Variants in DYM observed in about 807,000 individuals in gnomAD.
DYM encodes the protein dymeclin.
DYM carries 78 observed loss-of-function variants against 93.1 expected under a neutral mutation model. The observed-to-expected ratio is 0.84, with a 90% CI of 0.70 to 1.01. The LOEUF (loss-of-function observed/expected upper bound fraction) is 1.01, where lower values mean the gene tolerates loss of function less well. Ranked by LOEUF, DYM falls within the 50% of genes least tolerant of loss-of-function variation. The pLI is 0.00. For synonymous variants in DYM, 321 were observed against 319.7 expected (o/e 1.00, Z -0.04); for missense variants, 789 against 845.0 (o/e 0.93, Z 0.82).
At chr18:49,349,208 A>C (rs1181496249) in intron 6 of DYM, among the ~76,000 whole-genome samples, 1 of 152,110 alleles carries the variant, frequency 6.6e-6, no homozygotes, top group Admixed American at 6.5e-5. Flanking sequence ...ACTGTCTCAA[A>C]AAACAAACAA....
chr18:49,047,144 C>T (rs1401747167), intron 17 of DYM, among the ~76,000 whole-genome samples: 1 of 152,150 alleles, frequency 6.6e-6, no homozygotes, highest in Non-Finnish European at 1.5e-5. Flanking sequence ...TCAGCAGCTC[C>T]CCACTTTGTG....
At chr18:49,459,129 GC>G (rs1207084846) in intron 1 of DYM, among the ~76,000 whole-genome samples, 2 of 152,158 alleles carry the variant, frequency 1.3e-5, no homozygotes, top group African/African-American at 4.8e-5. Flanking sequence ...CTTCTTAATA[GC>G]TGAATCTCCT....
intron 14 of DYM, among the ~76,000 whole-genome samples, chr18:49,190,880 C>T (rs1327559824): frequency 1.3e-5 from 2 of 152,164 alleles, no homozygotes; most frequent in Non-Finnish European, 1.5e-5. Context: ...TTCTTAATAG[C>T]ATTTTCTTTT....
At chr18:49,163,909 C>A in intron 14 of DYM, 122 bp from the exon 15 acceptor site, 1 of 694,052 alleles carries the variant, frequency 1.4e-6, no homozygotes, top group Admixed American at 2.2e-5. Flanking sequence ...ATGATTCTTT[C>A]TTCATGCCTG....
intron 6 of DYM, among the ~76,000 whole-genome samples, chr18:49,360,799 T>G (rs1456008245): frequency 6.6e-6 from 1 of 152,148 alleles, no homozygotes; most frequent in South Asian, 2.1e-4. Flanking sequence ...TAGGTATCTA[T>G]TTTTCTCATG....
chr18:49,411,812 AT>A (rs2072280384), intron 2 of DYM: 1 of 152,222 alleles, frequency 6.6e-6, no homozygotes, highest in Non-Finnish European at 1.5e-5. Context: ...TCTGATAAAT[AT>A]ATAATGTTAG....
At chr18:49,072,673 A>G (rs1261210613) in intron 17 of DYM, among the ~76,000 whole-genome samples, 2 of 152,246 alleles carry the variant, frequency 1.3e-5, no homozygotes, top group Non-Finnish European at 2.9e-5. Context: ...AAAGTCCACC[A>G]GTGAGTTTCG....
chr18:49,164,778 G>A (rs1167929752), intron 14 of DYM, among the ~76,000 whole-genome samples: 2 of 152,204 alleles, frequency 1.3e-5, no homozygotes, highest in African/African-American at 4.8e-5. Flanking sequence ...CAACCAGCCA[G>A]AAGATAAAAA....
intron 3 of DYM, among the ~76,000 whole-genome samples, chr18:49,389,791 G>C (rs1331379534): frequency 1.3e-5 from 2 of 151,992 alleles, no homozygotes; most frequent in Non-Finnish European, 2.9e-5. Flanking sequence ...GCCTCCTAAA[G>C]TTACCAGTAT....
intron 3 of DYM, among the ~76,000 whole-genome samples, chr18:49,380,034 G>A (rs1599786623): frequency 6.6e-6 from 1 of 152,030 alleles, no homozygotes; most frequent in African/African-American, 2.4e-5. Context: ...GGAAAAAATA[G>A]TTAATAGACA....
chr18:49,042,217 C>T lies in DYM; in HGVS notation c.*1838G>A, dbSNP rs1031661693. ...GCCTGTACATGGGCTCTGAGGTGAACACAGGAGTCAGAGTCCCCACTCCAG... is the reference window on the plus strand; with the variant it reads ...GCCTGTACATGGGCTCTGAGGTGAATACAGGAGTCAGAGTCCCCACTCCAG... On this transcript the variant is annotated 3_prime_UTR_variant, in exon 18 of 18. Transcript: ENST00000675505. 1.3e-5 allele frequency: 2 copies of T among 153,008 alleles called. No homozygotes were observed. Among genetic ancestry groups the T allele is most frequent in the Admixed American group, 1.3e-4 (2 of 15,280 alleles). 9.5% of individuals were successfully genotyped at this position (153,008 alleles called of 1,614,324 possible). A position where few individuals can be genotyped will look rare whatever the true frequency, so the allele number is the denominator to read the frequency against.
chr18:49,397,612 G>C (rs549381207), intron 2 of DYM, among the ~76,000 whole-genome samples: 127 of 152,294 alleles, frequency 8.3e-4, no homozygotes, highest in African/African-American at 2.7e-3. Flanking sequence ...TCTGTTGCTG[G>C]TGAAGTGCAC....
chr18:49,358,476 T>C (rs1435206960), intron 6 of DYM, among the ~76,000 whole-genome samples: 1 of 152,098 alleles, frequency 6.6e-6, no homozygotes, highest in Admixed American at 6.6e-5. Flanking sequence ...AGTACACAAA[T>C]AGATACACAC....
chr18:49,236,768 A>G (rs2093879668), intron 13 of DYM, among the ~76,000 whole-genome samples: 2 of 152,236 alleles, frequency 1.3e-5, no homozygotes, highest in African/African-American at 4.8e-5. Context: ...CCGGGCCTGC[A>G]GAACTCCCAG....
At chr18:49,199,746 C>T (rs952943778) in intron 14 of DYM, among the ~76,000 whole-genome samples, 9 of 152,094 alleles carry the variant, frequency 5.9e-5, no homozygotes, top group African/African-American at 9.7e-5. Flanking sequence ...AAGACCATTC[C>T]AGCAATTTTT....
chr18:49,037,147 A>C lies in DYM; in HGVS notation c.*6908T>G, dbSNP rs551023370. ...GAACTCCTGACCTCAGGTGACTCCC[A>C]AAGTGCTGGGATTACACATGTGAGC... On this transcript the variant is annotated 3_prime_UTR_variant, in exon 18 of 18. Transcript: ENST00000675505. 6.6e-6 allele frequency among the ~76,000 whole-genome samples: 1 copy of C among 152,280 alleles called. No individual in the cohort carries two copies. The highest frequency in any genetic ancestry group is 1.9e-4 in the East Asian group (1 of 5,184).
chr18:49,444,694 A>G (rs2081952647), intron 1 of DYM, among the ~76,000 whole-genome samples: 1 of 152,198 alleles, frequency 6.6e-6, no homozygotes, highest in African/African-American at 2.4e-5. Context: ...TAACTGTGCA[A>G]TGAGGAGCTT....
intron 17 of DYM, among the ~76,000 whole-genome samples, chr18:49,070,501 G>A (rs2076802835): frequency 6.6e-6 from 1 of 152,174 alleles, no homozygotes; most frequent in African/African-American, 2.4e-5. Flanking sequence ...TCACACTCAA[G>A]GAAACCACTG....
intron 8 of DYM, among the ~76,000 whole-genome samples, chr18:49,314,919 A>C (rs1317254509): frequency 1.3e-5 from 2 of 152,202 alleles, no homozygotes; most frequent in Non-Finnish European, 2.9e-5. Context: ...GATTGCTTAA[A>C]GGCCAGGCCG....
Sources: gnomAD v4.1 joint callset for allele counts (sites outside exome capture counted in the v4.1 genomes callset) on GRCh38, gnomAD v4.1.1 for gene constraint, MANE v1.5 for transcripts, NCBI Gene and HGNC (gene_info 2026-07-23, HGNC 2026-07-21) for gene names.